NXPH1: variants seen among roughly 807,000 people sequenced by gnomAD.
The protein encoded by NXPH1 is neurexophilin-1.
NXPH1 carries 5 observed loss-of-function variants against 23.7 expected under a neutral mutation model. The observed-to-expected ratio is 0.21, with a 90% CI of 0.11 to 0.44. The LOEUF (loss-of-function observed/expected upper bound fraction) is 0.44. NXPH1 is among the 20% of genes least tolerant of loss of function. The pLI is 0.99. For synonymous variants in NXPH1, 144 were observed against 122.2 expected, an observed-to-expected ratio of 1.18 and a Z score of -1.18; for missense variants, 324 against 321.6, an observed-to-expected ratio of 1.01 and a Z score of -0.06.
At chr7:8,645,977 T>C (rs1327910451) in intron 2 of NXPH1, among the ~76,000 whole-genome samples, 1 of 152,106 alleles carries the variant, frequency 6.6e-6, no homozygotes, top group Non-Finnish European at 1.5e-5. Context: ...TGAAGTATTT[T>C]TTTCCTTTGT....
At chr7:8,630,905 T>C (rs187136869) in intron 2 of NXPH1, among the ~76,000 whole-genome samples, 1 of 152,290 alleles carries the variant, frequency 6.6e-6, no homozygotes, top group African/African-American at 2.4e-5. Context: ...CAGTTATTTT[T>C]CCTGATCCTC....
At chr7:8,592,896 A>G (rs1037389178) in intron 2 of NXPH1, among the ~76,000 whole-genome samples, 1 of 151,716 alleles carries the variant, frequency 6.6e-6, no homozygotes, top group Non-Finnish European at 1.5e-5. Flanking sequence ...CAGGTCATAC[A>G]AAAACAGGCA....
chr7:8,708,951 G>A (rs936516306), intron 2 of NXPH1, among the ~76,000 whole-genome samples: 3 of 152,100 alleles, frequency 2.0e-5, no homozygotes, highest in Non-Finnish European at 4.4e-5. Context: ...TTAACCAGAG[G>A]CTGAGGTGAT....
chr7:8,545,205 A>G (rs775491807), intron 2 of NXPH1, among the ~76,000 whole-genome samples: 7 of 151,526 alleles, frequency 4.6e-5, no homozygotes, highest in African/African-American at 9.7e-5. Flanking sequence ...TTGAGGCAGC[A>G]TGGAGGGAGT....
chr7:8,447,783 C>T (rs934797552), intron 2 of NXPH1, among the ~76,000 whole-genome samples: 4 of 152,222 alleles, frequency 2.6e-5, no homozygotes, highest in African/African-American at 9.6e-5. Flanking sequence ...TGCATTTGCA[C>T]AGATTGATGG....
intron 2 of NXPH1, among the ~76,000 whole-genome samples, chr7:8,697,768 A>G (rs7786015): frequency 0.2 from 30,001 of 152,080 alleles, 4,480 homozygotes; most frequent in African/African-American, 0.41. Flanking sequence ...TCTCAGGCAA[A>G]CATGTTCCAG....
At chr7:8,673,157 C>A (rs1387477732) in intron 2 of NXPH1, among the ~76,000 whole-genome samples, 1 of 152,060 alleles carries the variant, frequency 6.6e-6, no homozygotes, top group African/African-American at 2.4e-5. Flanking sequence ...CACCACCACC[C>A]AATTTAAACA....
intron 2 of NXPH1, among the ~76,000 whole-genome samples, chr7:8,561,936 CG>C (rs1818453192): frequency 6.6e-6 from 1 of 151,544 alleles, no homozygotes; most frequent in Non-Finnish European, 1.5e-5. Flanking sequence ...CATGATGTTT[CG>C]ATATACATAT....
chr7:8,726,394 T>C (rs1780053643), intron 2 of NXPH1, among the ~76,000 whole-genome samples: 1 of 151,856 alleles, frequency 6.6e-6, no homozygotes, highest in South Asian at 2.1e-4. Flanking sequence ...TGCAGGTTAG[T>C]TACATATGTA....
chr7:8,486,854 A>G (rs1242217755), intron 2 of NXPH1, among the ~76,000 whole-genome samples: 2 of 152,120 alleles, frequency 1.3e-5, no homozygotes, highest in Non-Finnish European at 2.9e-5. Context: ...TCTCAGATTA[A>G]ATATAACTTC....
At chr7:8,470,973 G>C (rs914013413) in intron 2 of NXPH1, among the ~76,000 whole-genome samples, 8 of 152,034 alleles carry the variant, frequency 5.3e-5, no homozygotes, top group Non-Finnish European at 8.8e-5. Flanking sequence ...TTTTTCTGGA[G>C]GTTAGGGCAA....
At chr7:8,592,673 C>T (rs1214351262) in intron 2 of NXPH1, among the ~76,000 whole-genome samples, 2 of 151,922 alleles carry the variant, frequency 1.3e-5, no homozygotes, top group African/African-American at 2.4e-5. Flanking sequence ...CAGAGCTCAT[C>T]GTCTCTGTTG....
chr7:8,566,858 T>TC (rs56112108), intron 2 of NXPH1, among the ~76,000 whole-genome samples: 23,996 of 151,566 alleles, frequency 0.16, 3,032 homozygotes, highest in African/African-American at 0.35. Flanking sequence ...CATATTTTTT[T>TC]TCTCTCTCTC....
intron 2 of NXPH1, among the ~76,000 whole-genome samples, chr7:8,666,315 TTTCA>T (rs1820765667): frequency 6.6e-6 from 1 of 152,104 alleles, no homozygotes; most frequent in African/African-American, 2.4e-5. Context: ...GGTTTTTGTC[TTTCA>T]TTCCGATAAT....
At chr7:8,546,540 T>C (rs1195941504) in intron 2 of NXPH1, among the ~76,000 whole-genome samples, 2 of 151,430 alleles carry the variant, frequency 1.3e-5, no homozygotes, top group Non-Finnish European at 3.0e-5. Context: ...TCAGATGTTC[T>C]GTTTCAGTAG....
chr7:8,593,171 A>ATTTT (rs61424859), intron 2 of NXPH1, among the ~76,000 whole-genome samples: 1 of 141,628 alleles, frequency 7.1e-6, no homozygotes, highest in Non-Finnish European at 1.5e-5. Flanking sequence ...AGTAAGAAGC[A>ATTTT]TTTTTTTTTT....
intron 2 of NXPH1, among the ~76,000 whole-genome samples, chr7:8,713,374 C>T (rs1779825517): frequency 6.6e-6 from 1 of 152,136 alleles, no homozygotes; most frequent in Non-Finnish European, 1.5e-5. Flanking sequence ...AATTTCTCTG[C>T]ATTTCCTCCA....
At chr7:8,607,948 G>A (rs1341869222) in intron 2 of NXPH1, among the ~76,000 whole-genome samples, 3 of 152,240 alleles carry the variant, frequency 2.0e-5, no homozygotes, top group Non-Finnish European at 2.9e-5. Flanking sequence ...GCCATGTGGC[G>A]ATAGAAGTCA....
chr7:8,740,113 C>G (rs977854466), intron 2 of NXPH1, among the ~76,000 whole-genome samples: 2 of 152,196 alleles, frequency 1.3e-5, no homozygotes, highest in East Asian at 1.9e-4. Context: ...TATAGAATAG[C>G]AGTGCACATT....
Sources: allele counts gnomAD v4.1 joint callset (sites outside exome capture counted in the v4.1 genomes callset), GRCh38; gene constraint gnomAD v4.1.1; transcripts MANE v1.5; gene names NCBI Gene and HGNC (gene_info 2026-07-23, HGNC 2026-07-21).